The following CNTRL variants were observed in gnomAD, a reference collection of about 807,000 sequenced individuals.
CNTRL encodes the protein 110 kDa centrosomal protein.
In CNTRL, 233 loss-of-function variants were observed where a neutral mutation model predicts 303.7. The observed-to-expected ratio is 0.77, with a 90% CI of 0.69 to 0.86. The LOEUF is 0.86. CNTRL is among the 40% of genes least tolerant of loss of function. CNTRL has a pLI of 0.00. For missense variants in CNTRL, 2,524 were observed against 2,650.6 expected (o/e 0.95, Z 1.05); for synonymous variants, 900 against 922.2 (o/e 0.98, Z 0.44).
intron 8 of CNTRL, among the ~76,000 whole-genome samples, chr9:121,108,624 T>C (rs779321307): frequency 6.6e-6 from 1 of 152,104 alleles, no homozygotes; most frequent in Non-Finnish European, 1.5e-5. Flanking sequence ...ATGTTATTTT[T>C]ATCATTAACC....
chr9:121,126,631 C>T (rs1360250777), intron 14 of CNTRL, among the ~76,000 whole-genome samples: 1 of 152,150 alleles, frequency 6.6e-6, no homozygotes, highest in Non-Finnish European at 1.5e-5. Flanking sequence ...CCTCTGTCTA[C>T]TCCTTTCCAG....
intron 24 of CNTRL, 128 bp from the exon 25 acceptor site, chr9:121,150,042 G>A (rs2052130060): frequency 1.6e-6 from 1 of 640,716 alleles, no homozygotes; most frequent in African/African-American, 1.9e-5. Context: ...TTTTTTCAGA[G>A]TTTTATTCTC....
At chr9:121,121,287 A>C (rs773988332) in intron 12 of CNTRL, among the ~76,000 whole-genome samples, 8 of 152,124 alleles carry the variant, frequency 5.3e-5, no homozygotes, top group Non-Finnish European at 8.8e-5. Flanking sequence ...TTTTTCTTTC[A>C]ATTTGCAGAG....
At chr9:121,120,730 C>A (rs2050188522) in intron 12 of CNTRL, among the ~76,000 whole-genome samples, 1 of 152,156 alleles carries the variant, frequency 6.6e-6, no homozygotes, top group African/African-American at 2.4e-5. Flanking sequence ...TCAATTCCCA[C>A]TGGATTTCTG....
chr9:121,150,434 T>A lies in CNTRL; in HGVS notation c.3914T>A (p.Phe1305Tyr). 1 of 1,614,154 alleles carries A rather than the reference T, an allele frequency of 6.2e-7. No individual in the cohort carries two copies. The highest frequency in any genetic ancestry group is 8.5e-7 in the Non-Finnish European group (1 of 1,180,024). The change falls in exon 25 of 44, where the codon TTC (phenylalanine) becomes TAC (tyrosine). Residue 1305 changes from phenylalanine to tyrosine, a missense_variant. Coordinates refer to ENST00000373855, the MANE Select transcript of CNTRL (RefSeq NM_007018.6). ...CCACCCCCCAACTTCTCCATCCCCT[T>A]CATCCCTATGGGTGTGCTGCATTGC... ...GPPPPNFSIP[F>Y]IPMGVLHCNV...
At chr9:121,108,930 AG>A (rs2049612757) in intron 8 of CNTRL, among the ~76,000 whole-genome samples, 1 of 152,220 alleles carries the variant, frequency 6.6e-6, no homozygotes, top group African/African-American at 2.4e-5. Context: ...CTTCTTATAC[AG>A]TATACATGTA....
At chr9:121,171,140 T>C (rs1588339304) in intron 39 of CNTRL, 1 of 499,068 alleles carries the variant, frequency 2.0e-6, no homozygotes, top group Non-Finnish European at 3.8e-6. Flanking sequence ...TGATGGGTAT[T>C]ATTATTCTCA....
chr9:121,144,750 G>A, intron 20 of CNTRL, 93 bp from the exon 21 acceptor site: 1 of 978,034 alleles, frequency 1.0e-6, no homozygotes, highest in Non-Finnish European at 1.6e-6. Flanking sequence ...GGTAGGCAAT[G>A]TGATGAAAGC....
Position 121,167,690 on chromosome 9 carries a change from T to C in CNTRL, c.5844+13T>C. The C allele has an allele frequency of 6.2e-7, 1 of 1,603,146 alleles. No individual in the cohort carries two copies. The highest frequency in any genetic ancestry group is 8.5e-7 in the Non-Finnish European group (1 of 1,174,966). On this transcript the variant is annotated intron_variant, in intron 37 of 43. Transcript: ENST00000373855. ...CCAACAAGAAATGGTACTACACATTTATGATTTTACATAAAAAAAGCATTT... is the reference window on the plus strand; with the variant it reads ...CCAACAAGAAATGGTACTACACATTCATGATTTTACATAAAAAAAGCATTT...
chr9:121,173,247 C>T lies in CNTRL; in HGVS notation c.6422C>T (p.Ala2141Val). ...TGACACCAACTCACTGTTTAGATGG[C>T]AAACCAAAAAGATTTGGAGAGAAGA... ...YEYTELKKQM[A>V]NQKDLERRQM... Residue 2141 changes from alanine to valine, a missense_variant, in exon 41 of 44, where the codon GCA becomes GTA. Coordinates refer to ENST00000373855, the MANE Select transcript of CNTRL (RefSeq NM_007018.6). The T allele has an allele frequency of 6.2e-7, 1 of 1,605,622 alleles. No individual in the cohort carries two copies. Among genetic ancestry groups the T allele is most frequent in the Non-Finnish European group, 8.5e-7 (1 of 1,175,482 alleles).
chr9:121,129,087 T>C (rs575140382), intron 14 of CNTRL, among the ~76,000 whole-genome samples: 1 of 152,344 alleles, frequency 6.6e-6, no homozygotes, highest in East Asian at 1.9e-4. Context: ...TGCCTCCAGC[T>C]TTGTTCTTTT....
At position 121,167,803 on chromosome 9, in the gene CNTRL, G is replaced by A. The variant is rs891567846; in HGVS notation, c.5844+126G>A. The A allele has an allele frequency of 4.0e-5, 32 of 794,204 alleles. No homozygotes were observed. The African/African-American group carries it at 4.9e-4, about 12-fold the overall frequency. The allele number at this position is 794,204 out of a possible 1,614,324, so 49.2% of individuals were successfully genotyped here. On this transcript the variant is annotated intron_variant, in intron 37 of 43. Transcript: ENST00000373855. ...ACTATGTGTCCCTTAACTGCCCTGT[G>A]TAGCCATGGGTGGCATTTATACCAA... is the stretch of plus-strand genomic sequence containing the variant.
rs750635825 is a variant in CNTRL at position 121,150,502 on chromosome 9, A to T, written c.3963+19A>T. On this transcript the variant is annotated intron_variant, in intron 25 of 43. Transcript: ENST00000373855. ...TAACTTAGTAAGTGGAAAGACATACAACTCTCTTTCCACACTGCTTCCATG... is the reference window on the plus strand; with the variant it reads ...TAACTTAGTAAGTGGAAAGACATACTACTCTCTTTCCACACTGCTTCCATG... 26 of 1,606,158 alleles carry T rather than the reference A, an allele frequency of 1.6e-5. No individual in the cohort carries two copies. The highest frequency in any genetic ancestry group is 1.9e-5 in the Non-Finnish European group (22 of 1,172,972).
intron 27 of CNTRL, among the ~76,000 whole-genome samples, chr9:121,157,136 T>C (rs1273682393): frequency 6.6e-6 from 1 of 152,218 alleles, no homozygotes; most frequent in Non-Finnish European, 1.5e-5. Flanking sequence ...CATTTTAAAT[T>C]TATTTTTCTC....
intron 6 of CNTRL, 139 bp downstream of exon 6, chr9:121,096,702 A>G: frequency 1.7e-6 from 1 of 598,670 alleles, no homozygotes; most frequent in Non-Finnish European, 2.5e-6. Context: ...GACATAGCCC[A>G]TGATTTTCTA....
At chr9:121,107,160 A>AT (rs200788485) in intron 7 of CNTRL, among the ~76,000 whole-genome samples, 4 of 151,846 alleles carry the variant, frequency 2.6e-5, no homozygotes, top group South Asian at 4.2e-4. Flanking sequence ...GCTTCTCAAA[A>AT]TTTTTTTTTA....
At chr9:121,081,994 G>A (rs917403461) in intron 2 of CNTRL, among the ~76,000 whole-genome samples, 20 of 152,320 alleles carry the variant, frequency 1.3e-4, no homozygotes, top group African/African-American at 4.6e-4. Context: ...ATTAGTAAAC[G>A]AAAGACACTC....
intron 2 of CNTRL, among the ~76,000 whole-genome samples, chr9:121,085,828 T>C (rs973736034): frequency 6.6e-6 from 1 of 152,136 alleles, no homozygotes; most frequent in Non-Finnish European, 1.5e-5. Context: ...AGCAATGGTA[T>C]GTGGTGGGGA....
At position 121,094,947 on chromosome 9, in the gene CNTRL, A is replaced by G. The variant is rs780942635; in HGVS notation, c.408A>G (p.Leu136=). 3.1e-6 allele frequency: 5 copies of G among 1,598,466 alleles called. No homozygotes were observed. Among genetic ancestry groups the G allele is most frequent in the Admixed American group, 1.7e-5 (1 of 59,134 alleles). Residue 136 remains leucine, a synonymous_variant, in exon 5 of 44, where the codon CTA becomes CTG. Coordinates refer to ENST00000373855, the MANE Select transcript of CNTRL (RefSeq NM_007018.6). ...KLEVLNLSYN[L]IGKIEKLDKL... is the part of the protein sequence containing the mutation. ...AAGTACTGAATCTCAGCTATAATCT[A>G]ATAGGGAAGATTGAAAAGTTGGACA...
Sources: gnomAD v4.1 joint callset for allele counts (sites outside exome capture counted in the v4.1 genomes callset) on GRCh38, gnomAD v4.1.1 for gene constraint, MANE v1.5 for transcripts, NCBI Gene and HGNC (gene_info 2026-07-23, HGNC 2026-07-21) for gene names.